The following MALRD1 variants were observed in gnomAD, a reference collection of about 807,000 sequenced individuals.
The protein encoded by MALRD1 is MAM and LDL receptor class A domain containing 1, also known as MAM and LDL-receptor class A domain-containing protein 1.
In MALRD1, 247 loss-of-function variants were observed where a neutral mutation model predicts 242.1. The ratio of observed to expected loss-of-function variants is 1.02; its 90% confidence interval spans 0.92 to 1.13. MALRD1 has a LOEUF of 1.13. Among genes scored for constraint, MALRD1 ranks in the 50% most tolerant of loss-of-function variants. MALRD1 has a pLI of 0.00. For missense variants in MALRD1, 2,989 were observed against 2,533.1 expected (o/e 1.18, Z -3.86); for synonymous variants, 995 against 866.6 (o/e 1.15, Z -2.60).
At chr10:19,602,250 G>A (rs928120564) in intron 34 of MALRD1, among the ~76,000 whole-genome samples, 3 of 147,776 alleles carry the variant, frequency 2.0e-5, no homozygotes, top group African/African-American at 7.6e-5. Context: ...CAACGTGCAG[G>A]TTTGTTACAT....
At chr10:19,281,271 G>A (rs1840795640) in intron 20 of MALRD1, among the ~76,000 whole-genome samples, 2 of 152,070 alleles carry the variant, frequency 1.3e-5, no homozygotes, top group African/African-American at 2.4e-5. Flanking sequence ...AAGGTGTGGT[G>A]GTGTTCAGAC....
intron 33 of MALRD1, among the ~76,000 whole-genome samples, chr10:19,591,640 G>A (rs1837793007): frequency 6.6e-6 from 1 of 151,700 alleles, no homozygotes; most frequent in African/African-American, 2.4e-5. Flanking sequence ...CTGGGATTAC[G>A]GGCGTGTGCC....
intron 38 of MALRD1, among the ~76,000 whole-genome samples, chr10:19,723,405 G>A (rs1834864225): frequency 6.6e-6 from 1 of 151,916 alleles, no homozygotes; most frequent in Non-Finnish European, 1.5e-5. Flanking sequence ...CCTCACAAAT[G>A]GTATTCCCTT....
chr10:19,073,728 C>T (rs1211576898), intron 2 of MALRD1, among the ~76,000 whole-genome samples: 1 of 152,158 alleles, frequency 6.6e-6, no homozygotes, highest in East Asian at 1.9e-4. Context: ...TGGTCCCAAG[C>T]ATTTTAGGTA....
intron 18 of MALRD1, among the ~76,000 whole-genome samples, chr10:19,228,233 G>T (rs1402563233): frequency 6.6e-6 from 1 of 152,094 alleles, no homozygotes; most frequent in Non-Finnish European, 1.5e-5. Context: ...GGAGCAAACT[G>T]ATACAACAGC....
chr10:19,539,474 A>G (rs1253081479), intron 32 of MALRD1, among the ~76,000 whole-genome samples: 1 of 152,154 alleles, frequency 6.6e-6, no homozygotes, highest in Admixed American at 6.5e-5. Context: ...GGTATTTTGC[A>G]TATTTTGTGT....
At chr10:19,643,267 A>G (rs1274851888) in intron 36 of MALRD1, among the ~76,000 whole-genome samples, 1 of 152,042 alleles carries the variant, frequency 6.6e-6, no homozygotes, top group Admixed American at 6.6e-5. Flanking sequence ...CCCCGTCTCT[A>G]ATAAAAATAC....
At chr10:19,468,234 T>C (rs3852457) in intron 29 of MALRD1, among the ~76,000 whole-genome samples, 123,929 of 152,164 alleles carry the variant, frequency 0.81, 50,664 homozygotes, top group East Asian at 1. Context: ...ACTATGGAAT[T>C]AGGTGATTAT....
intron 21 of MALRD1, among the ~76,000 whole-genome samples, chr10:19,306,815 A>G (rs1842229456): frequency 6.6e-6 from 1 of 151,038 alleles, no homozygotes; most frequent in South Asian, 2.1e-4. Flanking sequence ...GTGCCAAGCA[A>G]AAGGGGGAAA....
intron 1 of MALRD1, among the ~76,000 whole-genome samples, chr10:19,060,913 AG>A (rs1342322291): frequency 6.6e-6 from 1 of 152,230 alleles, no homozygotes; most frequent in Non-Finnish European, 1.5e-5. Context: ...GACTGGATTA[AG>A]AAAATGTGAA....
At chr10:19,224,979 T>A (rs1837731131) in intron 18 of MALRD1, among the ~76,000 whole-genome samples, 1 of 152,204 alleles carries the variant, frequency 6.6e-6, no homozygotes, top group Admixed American at 6.5e-5. Flanking sequence ...AGATCTTATG[T>A]TTAAGTCTTT....
intron 38 of MALRD1, among the ~76,000 whole-genome samples, chr10:19,707,528 G>A (rs1010984311): frequency 9.9e-5 from 15 of 152,184 alleles, no homozygotes; most frequent in African/African-American, 2.9e-4. Context: ...GAGATTTTCA[G>A]TCTAGAGGGC....
At chr10:19,552,146 G>A (rs1835501081) in intron 32 of MALRD1, among the ~76,000 whole-genome samples, 1 of 151,962 alleles carries the variant, frequency 6.6e-6, no homozygotes, top group South Asian at 2.1e-4. Context: ...CAATTTTTTT[G>A]TATAGTTTCT....
intron 32 of MALRD1, among the ~76,000 whole-genome samples, chr10:19,537,233 A>AGGGCTGT (rs1834726146): frequency 2.6e-5 from 4 of 152,136 alleles, no homozygotes; most frequent in Admixed American, 2.6e-4. Context: ...AATATGTAAA[A>AGGGCTGT]GGGCTGTTTG....
At chr10:19,115,609 G>T (rs1239179517) in intron 5 of MALRD1, among the ~76,000 whole-genome samples, 3 of 152,006 alleles carry the variant, frequency 2.0e-5, no homozygotes, top group Non-Finnish European at 4.4e-5. Flanking sequence ...TTATGAAAAT[G>T]AAACTATTAT....
chr10:19,278,479 A>ATCCATCTATCCATCCATCCATCTG (rs1440207681), intron 19 of MALRD1, among the ~76,000 whole-genome samples: 3 of 151,738 alleles, frequency 2.0e-5, no homozygotes, highest in Non-Finnish European at 4.4e-5. Context: ...CCATCCATCC[A>ATCCATCTATCCATCCATCCATCTG]TCCATCTATC....
chr10:19,219,643 C>T (rs1252594216), intron 18 of MALRD1, among the ~76,000 whole-genome samples: 3 of 152,140 alleles, frequency 2.0e-5, no homozygotes, highest in Non-Finnish European at 4.4e-5. Context: ...AAGCTGGTCT[C>T]AAATTCTTGA....
At chr10:19,596,042 T>G (rs1224803082) in intron 34 of MALRD1, among the ~76,000 whole-genome samples, 1 of 152,176 alleles carries the variant, frequency 6.6e-6, no homozygotes, top group Non-Finnish European at 1.5e-5. Context: ...TGCTGCCAAT[T>G]TCATTTTGTC....
At chr10:19,391,764 C>T (rs1846346254) in intron 28 of MALRD1, among the ~76,000 whole-genome samples, 1 of 152,180 alleles carries the variant, frequency 6.6e-6, no homozygotes, top group African/African-American at 2.4e-5. Flanking sequence ...ACTGGCTGTT[C>T]ATTAGAAATT....
Sources: gnomAD v4.1 joint callset for allele counts (sites outside exome capture counted in the v4.1 genomes callset) on GRCh38, gnomAD v4.1.1 for gene constraint, MANE v1.5 for transcripts, NCBI Gene and HGNC (gene_info 2026-07-23, HGNC 2026-07-21) for gene names.